Variants in BAALC observed in about 807,000 individuals in gnomAD.
BAALC encodes BAALC binder of MAP3K1 and KLF4, also known as brain and acute leukemia cytoplasmic protein.
A neutral mutation model predicts 15.5 loss-of-function variants in BAALC; 9 were observed. The ratio of observed to expected loss-of-function variants is 0.58; its 90% CI spans 0.35 to 1.02. BAALC has a LOEUF of 1.02. Ranked by LOEUF, BAALC falls within the 50% of genes least tolerant of loss-of-function variation. BAALC has a pLI of 0.02. For synonymous variants in BAALC, 80 were observed against 74.6 expected (o/e 1.07, Z -0.37); for missense variants, 201 against 192.4 (o/e 1.04, Z -0.27).
At chr8:103,207,314 A>G (rs1812352572) in intron 1 of BAALC, among the ~76,000 whole-genome samples, 2 of 152,250 alleles carry the variant, frequency 1.3e-5, no homozygotes, top group African/African-American at 4.8e-5. Context: ...GGAGATATCT[A>G]GGCAATTACT....
At chr8:103,177,182 GT>G (rs1811624243) in intron 1 of BAALC, among the ~76,000 whole-genome samples, 1 of 124,630 alleles carries the variant, frequency 8.0e-6, no homozygotes. Context: ...TGTTGTTGTT[GT>G]TGTTGTTTTG....
chr8:103,223,135 A>C (rs1418019529), intron 2 of BAALC, among the ~76,000 whole-genome samples: 1 of 152,128 alleles, frequency 6.6e-6, no homozygotes, highest in Non-Finnish European at 1.5e-5. Flanking sequence ...ACATGATGAA[A>C]TCCCGTCTCT....
chr8:103,222,987 T>A (rs1812713035), intron 2 of BAALC, among the ~76,000 whole-genome samples: 1 of 152,188 alleles, frequency 6.6e-6, no homozygotes, highest in African/African-American at 2.4e-5. Flanking sequence ...CTGAGTAGGT[T>A]TCTGGGATGT....
intron 1 of BAALC, among the ~76,000 whole-genome samples, chr8:103,207,244 C>T (rs1401994094): frequency 6.6e-6 from 1 of 152,152 alleles, no homozygotes; most frequent in African/African-American, 2.4e-5. Context: ...TAATGAAAGA[C>T]AGATTAATAA....
Position 103,197,368 on chromosome 8 carries a change from T to C in BAALC, c.161-15551T>C, listed in dbSNP as rs566598019. Among the ~76,000 whole-genome samples, 10 of 152,238 alleles carry C rather than the reference T, an allele frequency of 6.6e-5. No individual in the cohort carries two copies. The South Asian group carries it at 1.9e-3, about 28-fold the overall frequency. ...AAGAGGTGGCAGGGAGTGGGGATCATAACATCTACCTACAACATTGTTGTG... is the reference window on the plus strand; with the variant it reads ...AAGAGGTGGCAGGGAGTGGGGATCACAACATCTACCTACAACATTGTTGTG... On this transcript the variant is annotated intron_variant, in intron 1 of 2. Coordinates refer to ENST00000309982, the MANE Select transcript of BAALC (RefSeq NM_024812.3).
intron 2 of BAALC, among the ~76,000 whole-genome samples, chr8:103,224,517 T>C (rs546498637): frequency 1.3e-5 from 2 of 152,258 alleles, no homozygotes; most frequent in African/African-American, 2.4e-5. Context: ...CTAGGATCAA[T>C]AGAAAATAAA....
intron 2 of BAALC, among the ~76,000 whole-genome samples, chr8:103,225,400 G>A (rs1812782938): frequency 6.6e-6 from 1 of 152,192 alleles, no homozygotes; most frequent in African/African-American, 2.4e-5. Context: ...CATAAAGTAT[G>A]ATCTTTGGTT....
intron 1 of BAALC, among the ~76,000 whole-genome samples, chr8:103,178,216 C>A (rs1811647065): frequency 6.6e-6 from 1 of 152,122 alleles, no homozygotes; most frequent in Non-Finnish European, 1.5e-5. Context: ...AGGGTCACAG[C>A]TGGATGATAA....
intron 2 of BAALC, among the ~76,000 whole-genome samples, chr8:103,217,419 A>G (rs1586439975): frequency 6.6e-6 from 1 of 152,034 alleles, no homozygotes; most frequent in East Asian, 1.9e-4. Context: ...ATTTGCCCAA[A>G]GAAAATACTT....
intron 1 of BAALC, chr8:103,208,558 G>C (rs537521689): frequency 9.2e-5 from 14 of 152,324 alleles, no homozygotes; most frequent in Admixed American, 5.2e-4. Context: ...AGCCTCACGG[G>C]GCCTGCTGGG....
intron 1 of BAALC, among the ~76,000 whole-genome samples, chr8:103,179,825 G>C (rs1250354705): frequency 1.3e-5 from 2 of 152,362 alleles, no homozygotes; most frequent in Non-Finnish European, 2.9e-5. Context: ...TACTGTGGGA[G>C]GGATATTCAG....
At chr8:103,216,483 TTATG>T (rs1393731345) in intron 2 of BAALC, among the ~76,000 whole-genome samples, 1 of 151,626 alleles carries the variant, frequency 6.6e-6, no homozygotes, top group African/African-American at 2.4e-5. Context: ...ATTAATTAAT[TTATG>T]TATTTATCTA....
intron 2 of BAALC, among the ~76,000 whole-genome samples, chr8:103,222,556 C>T (rs531886892): frequency 6.6e-6 from 1 of 152,284 alleles, no homozygotes; most frequent in African/African-American, 2.4e-5. Flanking sequence ...TCAATTGCAA[C>T]GACTACCAAC....
rs759761289 is a variant in BAALC, at chr8:103,228,851, A to AC, written c.*756dup. On this transcript the variant is annotated 3_prime_UTR_variant, in exon 3 of 3. Coordinates refer to ENST00000309982, the MANE Select transcript of BAALC (RefSeq NM_024812.3). ...GTGGCCAATGCATCCAAATAAGGATACCCCTCAGGGCTCAGCTAGACATTG... is the reference window on the plus strand; with the variant it reads ...GTGGCCAATGCATCCAAATAAGGATACCCCCTCAGGGCTCAGCTAGACATTG... 5 of 152,216 alleles carry AC rather than the reference A, an allele frequency of 3.3e-5. No individual in the cohort carries two copies. Among genetic ancestry groups the AC allele is most frequent in the Non-Finnish European group, 7.3e-5 (5 of 68,048 alleles). 9.4% of individuals were successfully genotyped at this position (152,216 alleles called of 1,614,324 possible).
intron 1 of BAALC, among the ~76,000 whole-genome samples, chr8:103,183,124 G>A (rs1811763044): frequency 6.6e-6 from 1 of 152,178 alleles, no homozygotes; most frequent in South Asian, 2.1e-4. Context: ...ATTTCCTGGG[G>A]CTGGGGGAAG....
chr8:103,182,034 C>T (rs756947720), intron 1 of BAALC, among the ~76,000 whole-genome samples: 5 of 152,186 alleles, frequency 3.3e-5, no homozygotes, highest in Non-Finnish European at 5.9e-5. Context: ...AGCACCTAGC[C>T]GGGCATGAGA....
At chr8:103,183,936 G>A (rs1494274) in intron 1 of BAALC, among the ~76,000 whole-genome samples, 16,727 of 152,176 alleles carry the variant, frequency 0.11, 1,488 homozygotes, top group African/African-American at 0.25. Context: ...CAATATAAAT[G>A]TATTATCTCC....
intron 1 of BAALC, among the ~76,000 whole-genome samples, chr8:103,172,871 T>C (rs2129949544): frequency 6.6e-6 from 1 of 152,278 alleles, no homozygotes; most frequent in South Asian, 2.1e-4. Context: ...TTAAATCAGG[T>C]AAAGTTACTC....
rs947436912 is a variant in BAALC, at chr8:103,142,413, A to G, written c.160+1356A>G. On this transcript the variant is annotated intron_variant, in intron 1 of 2. Transcript: ENST00000309982. ...TCAGAATGGTTATTTTGTATTGCCA[A>G]TGCTTTTAGCAAGTCACCAAATGGT... Among the ~76,000 whole-genome samples, 3 of 152,212 alleles carry G rather than the reference A, an allele frequency of 2.0e-5. No individual in the cohort carries two copies. The East Asian group carries it at 5.8e-4, about 29-fold the overall frequency.
Sources: allele counts gnomAD v4.1 joint callset (sites outside exome capture counted in the v4.1 genomes callset), GRCh38; gene constraint gnomAD v4.1.1; transcripts MANE v1.5; gene names NCBI Gene and HGNC (gene_info 2026-07-23, HGNC 2026-07-21).